Variants in SERPINF2 observed in about 807,000 individuals in gnomAD.
The protein encoded by SERPINF2 is alpha-2-antiplasmin.
Under a neutral mutation model 45.0 loss-of-function variants are expected in SERPINF2, and 15 were observed. The ratio of observed to expected loss-of-function variants is 0.33; its 90% CI spans 0.22 to 0.51. The LOEUF is 0.51. Ranked by LOEUF, SERPINF2 falls within the 20% of genes least tolerant of loss-of-function variation. SERPINF2 has a pLI of 0.97. For missense variants in SERPINF2, 518 were observed against 637.4 expected, an observed-to-expected ratio of 0.81 and a Z score of 2.02; for synonymous variants, 283 against 277.9, an observed-to-expected ratio of 1.02 and a Z score of -0.18.
At chr17:1,749,835 G>A (rs887863420) in intron 8 of SERPINF2, among the ~76,000 whole-genome samples, 2 of 152,172 alleles carry the variant, frequency 1.3e-5, no homozygotes, top group African/African-American at 4.8e-5. Context: ...ACCACCCCAC[G>A]GCCATGTAGC....
rs772956292 is a variant in SERPINF2 at position 1,752,754 on chromosome 17, C to T, written c.1027C>T (p.His343Tyr). 9 of 1,613,752 alleles carry T rather than the reference C, an allele frequency of 5.6e-6. No individual in the cohort carries two copies. The highest frequency in any genetic ancestry group is 7.6e-6 in the Non-Finnish European group (9 of 1,179,936). ...KVRLPKLYLK[H>Y]QMDLVATLSQ... is the part of the protein sequence containing the mutation. ...CCGGCTGCCTAAGCTGTATCTGAAA[C>T]ACCAAATGGACCTGGTGGCCACCCT... is the stretch of plus-strand genomic sequence containing the variant. Residue 343 changes from histidine to tyrosine, a missense_variant, in exon 9 of 10, where the codon CAC (histidine) becomes TAC (tyrosine). His to Tyr is a moderately conservative substitution (Grantham distance 83). Transcript: ENST00000453066.
chr17:1,745,643 A>C lies in SERPINF2; in HGVS notation c.166-65A>C. On this transcript the variant is annotated intron_variant, in intron 4 of 9. Coordinates refer to ENST00000453066, the MANE Select transcript of SERPINF2 (RefSeq NM_000934.4). The surrounding 1 kb of genome is among the most constrained non-coding windows in gnomAD (Gnocchi z 6.2). The stretch of plus-strand genomic sequence containing the variant: ...GTCCTCAGGCACAGGGGCTGTGACA[A>C]GGCCTTCAACACAGAACCTGGAGCT... 1 of 1,501,432 alleles carries C rather than the reference A, an allele frequency of 6.7e-7. No individual in the cohort carries two copies. Among genetic ancestry groups the C allele is most frequent in the Non-Finnish European group, 9.2e-7 (1 of 1,085,526 alleles). 93.0% of individuals were successfully genotyped at this position (1,501,432 alleles called of 1,614,324 possible). A position where few individuals can be genotyped will look rare whatever the true frequency, so the allele number is the denominator to read the frequency against.
At chr17:1,743,498 C>T (rs372291889) in intron 1 of SERPINF2, among the ~76,000 whole-genome samples, 1 of 151,404 alleles carries the variant, frequency 6.6e-6, no homozygotes, top group Non-Finnish European at 1.5e-5. Context: ...GGTGGATCAC[C>T]TGAGGTCAGG....
In SERPINF2 at chr17:1,745,441, G is replaced by C. The variant is rs763036712; in HGVS notation, c.165+46G>C. 1.3e-6 allele frequency: 2 copies of C among 1,595,148 alleles called. No individual in the cohort carries two copies. Among genetic ancestry groups the C allele is most frequent in the South Asian group, 2.2e-5 (2 of 90,442 alleles). On this transcript the variant is annotated intron_variant, in intron 4 of 9. Coordinates refer to ENST00000453066, the MANE Select transcript of SERPINF2 (RefSeq NM_000934.4). This position sits in a 1 kb window ranked among gnomAD's most constrained non-coding sequence, Gnocchi z 6.2. ...GGAAGAGTGGGCGGGGCTAGAGGGA[G>C]GAGGGCCCATCGGCAGGGGTCGGGG...
intron 8 of SERPINF2, among the ~76,000 whole-genome samples, chr17:1,750,898 C>T (rs1221735671): frequency 6.6e-6 from 1 of 152,194 alleles, no homozygotes. Context: ...GCTCCCCTTT[C>T]CTGCTTCCCC....
At chr17:1,754,078 G>A (rs1283694207) in intron 9 of SERPINF2, 44 bp from the exon 10 acceptor site, 1 of 1,598,372 alleles carries the variant, frequency 6.3e-7, no homozygotes, top group Non-Finnish European at 8.5e-7. Context: ...AGGAGCCTGT[G>A]AGGCCAAGGG....
In SERPINF2 at chr17:1,754,443, G is replaced by C. The variant is rs371013906; in HGVS notation, c.1385G>C (p.Gly462Ala). The stretch of plus-strand genomic sequence containing the variant: ...AAGGACTTCCTCCAGAGCCTGAAAG[G>C]CTTCCCCCGCGGAGACAAGCTTTTC... The part of the protein sequence containing the change: ...GNKDFLQSLK[G>A]FPRGDKLFGP... The change falls in exon 10 of 10, where the codon GGC becomes GCC. Residue 462 changes from glycine (G) to alanine (A), a missense_variant. Gly to Ala is a moderately conservative substitution (Grantham distance 60). Coordinates refer to ENST00000453066, the MANE Select transcript of SERPINF2 (RefSeq NM_000934.4). The C allele has an allele frequency of 4.8e-5, 78 of 1,610,318 alleles. 1 individual carries two copies. In the Admixed American group the frequency reaches 1.1e-3, roughly 22 times the overall value.
chr17:1,744,185 C>G (rs956581725), intron 1 of SERPINF2, among the ~76,000 whole-genome samples: 1 of 150,776 alleles, frequency 6.6e-6, no homozygotes, highest in Non-Finnish European at 1.5e-5. Context: ...CTTGAGCCAC[C>G]GTGCCTGGCC....
In SERPINF2 at chr17:1,745,585, C is replaced by T; in HGVS notation, c.166-123C>T. ...ATGCCAGTGCCCTCCGTCTGACGCT[C>T]CCTCTTCCCTGGGGCTGGGACAAGG... is the stretch of plus-strand genomic sequence containing the variant. On this transcript the variant is annotated intron_variant, in intron 4 of 9. Transcript: ENST00000453066. The surrounding 1 kb of genome is among the most constrained non-coding windows in gnomAD (Gnocchi z 6.2). 4.9e-6 allele frequency: 6 copies of T among 1,213,148 alleles called. No individual in the cohort carries two copies. The highest frequency in any genetic ancestry group is 7.1e-6 in the Non-Finnish European group (6 of 846,238). 75.1% of individuals were successfully genotyped at this position (1,213,148 alleles called of 1,614,324 possible).
chr17:1,748,475 C>A, intron 7 of SERPINF2, 123 bp from the exon 8 acceptor site: 1 of 1,263,262 alleles, frequency 7.9e-7, no homozygotes, highest in Non-Finnish European at 1.1e-6. Flanking sequence ...TGAATGGATT[C>A]TGGGTGGGAC....
chr17:1,748,290 C>G (rs1323118675), intron 7 of SERPINF2, among the ~76,000 whole-genome samples: 1 of 135,038 alleles, frequency 7.4e-6, no homozygotes, highest in African/African-American at 2.7e-5. Context: ...GGCGACAGAG[C>G]GAGACTCCGT....
At chr17:1,754,022 A>T in intron 9 of SERPINF2, 100 bp from the exon 10 acceptor site, 1 of 1,392,444 alleles carries the variant, frequency 7.2e-7, no homozygotes, top group South Asian at 1.2e-5. Context: ...CTGTGAGTTC[A>T]AGCTGTTCCC....
chr17:1,749,554 C>CA (rs1474437538), intron 8 of SERPINF2, among the ~76,000 whole-genome samples: 45 of 152,316 alleles, frequency 3.0e-4, no homozygotes, highest in African/African-American at 9.6e-4. Flanking sequence ...GCTGAGATCG[C>CA]ACCACTGCAC....
Position 1,754,476 on chromosome 17 carries a change from A to T in SERPINF2, c.1418A>T (p.Asp473Val). Residue 473 changes from aspartate (D) to valine (V), a missense_variant, in exon 10 of 10, where the codon GAC becomes GTC. Asp to Val is a radical substitution (Grantham distance 152). Transcript: ENST00000453066. ...FPRGDKLFGPDLKLVPPMEED... is the reference protein window; with the variant it reads ...FPRGDKLFGPVLKLVPPMEED... ...CGCGGAGACAAGCTTTTCGGCCCTG[A>T]CTTAAAACTTGTGCCCCCCATGGAG... 1 of 1,609,030 alleles carries T rather than the reference A, an allele frequency of 6.2e-7. No individual in the cohort carries two copies. The highest frequency in any genetic ancestry group is 8.5e-7 in the Non-Finnish European group (1 of 1,177,810).
At chr17:1,749,058 C>T (rs974028750) in intron 8 of SERPINF2, among the ~76,000 whole-genome samples, 10 of 152,176 alleles carry the variant, frequency 6.6e-5, no homozygotes, top group African/African-American at 2.4e-4. Context: ...AAGGAGGATA[C>T]ACAGTGCAAC....
In SERPINF2 at chr17:1,747,322, A is replaced by C. The variant is rs1403173358; in HGVS notation, c.525A>C (p.Lys175Asn). The C allele has an allele frequency of 3.1e-6, 5 of 1,613,896 alleles. No individual in the cohort carries two copies. The highest frequency in any genetic ancestry group is 1.1e-5 in the South Asian group (1 of 91,086). The change falls in exon 7 of 10, where the codon AAA becomes AAC. Residue 175 changes from lysine (K) to asparagine (N), a missense_variant. Around this residue, in one of 2 missense-constraint regions of SERPINF2, gnomAD observed 435 missense variants for 577.3 expected, o/e 0.75. Transcript: ENST00000453066. ...RMYLQKGFPI[K>N]EDFLEQSEQL... ...GCCTCCGTGCAGGATTTCCCATCAAAGAAGATTTCCTGGAACAATCCGAAC... is the reference window on the plus strand; with the variant it reads ...GCCTCCGTGCAGGATTTCCCATCAACGAAGATTTCCTGGAACAATCCGAAC...
In SERPINF2 at chr17:1,747,367, C is replaced by T. The variant is rs759528674; in HGVS notation, c.570C>T (p.Pro190=). The T allele has an allele frequency of 5.0e-6, 8 of 1,614,106 alleles. No individual in the cohort carries two copies. The East Asian group carries it at 6.7e-5, about 13-fold the overall frequency. ...EQSEQLFGAK[P]VSLTGKQEDD... ...CCGAACAGCTATTTGGGGCAAAGCC[C>T]GTGAGCCTGACGGGAAAGCAGGAAG... is the stretch of plus-strand genomic sequence containing the variant. Residue 190 remains proline, a synonymous_variant, in exon 7 of 10, where the codon CCC becomes CCT. Coordinates refer to ENST00000453066, the MANE Select transcript of SERPINF2 (RefSeq NM_000934.4).
At chr17:1,754,035 G>C in intron 9 of SERPINF2, 87 bp from the exon 10 acceptor site, 1 of 1,498,652 alleles carries the variant, frequency 6.7e-7, no homozygotes, top group Non-Finnish European at 9.2e-7. Context: ...CTGTTCCCTG[G>C]CCAGGATCTC....
intron 5 of SERPINF2, 130 bp downstream of exon 5, chr17:1,746,039 G>A: frequency 9.6e-7 from 1 of 1,046,232 alleles, no homozygotes. Context: ...CAGATTCCTA[G>A]GCCGGGGCGG....
Sources: gnomAD v4.1 joint callset for allele counts (sites outside exome capture counted in the v4.1 genomes callset) on GRCh38, gnomAD v4.1.1 for gene constraint, gnomAD v4.1.1 regional missense constraint, Gnocchi (gnomAD v3.1) non-coding constraint, MANE v1.5 for transcripts, NCBI Gene and HGNC (gene_info 2026-07-23, HGNC 2026-07-21) for gene names.